The following INTS3 variants were observed in gnomAD, a reference collection of about 807,000 sequenced individuals.
The protein encoded by INTS3 is SOSS complex subunit A.
INTS3 carries 34 observed loss-of-function variants against 146.3 expected under a neutral mutation model. That is an observed-to-expected ratio of 0.23 (90% CI 0.18 to 0.31). INTS3 has a LOEUF of 0.31. Ranked by LOEUF, INTS3 falls within the 10% of genes least tolerant of loss-of-function variation. The probability of loss-of-function intolerance (pLI) is 1.00; values close to 1 mark genes in which losing one functional copy is unlikely to be tolerated. For synonymous variants in INTS3, 475 were observed against 494.9 expected, an observed-to-expected ratio of 0.96 and a Z score of 0.53; for missense variants, 757 against 1,304.2, an observed-to-expected ratio of 0.58 and a Z score of 6.46.
intron 20 of INTS3, among the ~76,000 whole-genome samples, 158 bp downstream of exon 20, chr1:153,765,221 C>T (rs1023880855): frequency 6.6e-6 from 1 of 152,194 alleles, no homozygotes; most frequent in African/African-American, 2.4e-5. Context: ...GCATCTCACT[C>T]TGTCACCTGA....
At chr1:153,764,563 C>T (rs1041218096) in intron 18 of INTS3, 127 bp from the exon 19 acceptor site, 39 of 794,030 alleles carry the variant, frequency 4.9e-5, no homozygotes, top group African/African-American at 4.4e-4. Context: ...ACCAAGCCTG[C>T]GGAGCAGCAG....
At chr1:153,747,399 G>A (rs150100455) in intron 5 of INTS3, 36 bp downstream of exon 5, 52 of 1,488,106 alleles carry the variant, frequency 3.5e-5, no homozygotes, top group Non-Finnish European at 4.5e-5. Flanking sequence ...GAAGAAAGGA[G>A]GAGAGCCCAG....
At chr1:153,750,914 GCCAGTTGATAGT>G (rs1671933625) in intron 6 of INTS3, 169 bp from the exon 7 acceptor site, 2 of 494,122 alleles carry the variant, frequency 4.0e-6, no homozygotes, top group Non-Finnish European at 7.0e-6. Context: ...CCGTAGCTTA[GCCAGTTGATAGT>G]CCAAGATAGA....
chr1:153,750,021 C>G (rs540422694), intron 6 of INTS3, among the ~76,000 whole-genome samples: 23 of 152,188 alleles, frequency 1.5e-4, no homozygotes, highest in Non-Finnish European at 3.1e-4. Context: ...TCACTCCCTT[C>G]CAAATGTTTC....
chr1:153,740,068 G>A (rs973149127), intron 1 of INTS3, among the ~76,000 whole-genome samples: 11 of 148,524 alleles, frequency 7.4e-5, no homozygotes, highest in Non-Finnish European at 1.3e-4. Context: ...CAAAGTGCTG[G>A]GATTACAGGT....
At chr1:153,734,389 C>T (rs1048282051) in intron 1 of INTS3, among the ~76,000 whole-genome samples, 2 of 152,122 alleles carry the variant, frequency 1.3e-5, no homozygotes, top group East Asian at 1.9e-4. Flanking sequence ...TTCTGTAGTC[C>T]AGGAAGAGTA....
At chr1:153,729,520 A>G (rs1167513572) in intron 1 of INTS3, among the ~76,000 whole-genome samples, 1 of 152,206 alleles carries the variant, frequency 6.6e-6, no homozygotes, top group African/African-American at 2.4e-5. Context: ...CTGCCATCTC[A>G]GAGTTGATCA....
intron 3 of INTS3, among the ~76,000 whole-genome samples, chr1:153,745,350 T>G (rs1041951532): frequency 3.3e-5 from 5 of 152,012 alleles, no homozygotes; most frequent in African/African-American, 1.2e-4. Context: ...AGAGATGGAG[T>G]TTCACCATGT....
chr1:153,762,735 TGAG>T lies in INTS3; in HGVS notation c.1528_1530del (p.Glu510del), dbSNP rs778092924. The T allele has an allele frequency of 1.9e-5, 31 of 1,614,142 alleles. No homozygotes were observed. The Admixed American group carries it at 2.8e-4, about 15-fold the overall frequency. On this transcript the variant is annotated inframe_deletion, in exon 15 of 30. Transcript: ENST00000318967. The stretch of plus-strand genomic sequence containing the variant: ...TCTTTTTTTACTCCCAAGTCAAAAT[TGAG>T]GAGCCAGTTTCCATGGAGATGGACA...
At position 153,772,571 on chromosome 1, in the gene INTS3, G is replaced by C. The variant is rs774990351; in HGVS notation, c.2822-68G>C. On this transcript the variant is annotated intron_variant, in intron 27 of 29. Coordinates refer to ENST00000318967, the MANE Select transcript of INTS3 (RefSeq NM_023015.5). This position sits in a 1 kb window ranked among gnomAD's most constrained non-coding sequence, Gnocchi z 4.6. Reference sequence around the variant, plus strand: ...ACACTCGGGATAAAACAACCTGTGCGTGCTGTTTAATAAGCTCCCAGACAT... The same window carrying C: ...ACACTCGGGATAAAACAACCTGTGCCTGCTGTTTAATAAGCTCCCAGACAT... 2.7e-5 allele frequency: 43 copies of C among 1,612,052 alleles called. No individual in the cohort carries two copies. Among genetic ancestry groups the C allele is most frequent in the Non-Finnish European group, 3.0e-5 (35 of 1,179,052 alleles).
In INTS3 at chr1:153,751,119, C is replaced by T. The variant is rs1199813174; in HGVS notation, c.609C>T (p.Ile203=). 1.2e-6 allele frequency: 2 copies of T among 1,614,186 alleles called. No individual in the cohort carries two copies. Among genetic ancestry groups the T allele is most frequent in the East Asian group, 2.2e-5 (1 of 44,878 alleles). Reference sequence around the variant, plus strand: ...GGGAGTGGGTCCTGAAGAGCAGCATCCTCATTGCCATGGCTGTTTACACGT... The same window carrying T: ...GGGAGTGGGTCCTGAAGAGCAGCATTCTCATTGCCATGGCTGTTTACACGT... ...EQREWVLKSS[I]LIAMAVYTYL... The change falls in exon 7 of 30, where the codon ATC becomes ATT. Residue 203 remains isoleucine (I), a synonymous_variant. Transcript: ENST00000318967.
intron 22 of INTS3, among the ~76,000 whole-genome samples, chr1:153,769,350 G>T (rs74360442): frequency 2.0e-5 from 3 of 152,032 alleles, no homozygotes; most frequent in Admixed American, 6.6e-5. Flanking sequence ...AGCTTTGCTC[G>T]GGTCCTTCTG....
At chr1:153,729,403 A>C (rs1017756726) in intron 1 of INTS3, among the ~76,000 whole-genome samples, 4 of 152,238 alleles carry the variant, frequency 2.6e-5, no homozygotes, top group African/African-American at 9.6e-5. Flanking sequence ...GAGAGAACAC[A>C]TCGCTTCTGA....
intron 3 of INTS3, among the ~76,000 whole-genome samples, chr1:153,743,111 C>T (rs117347490): frequency 6.6e-6 from 1 of 152,334 alleles, no homozygotes; most frequent in East Asian, 1.9e-4. Context: ...ACGTATCTCC[C>T]TAGAGCTTTG....
chr1:153,744,713 A>T (rs1056305729), intron 3 of INTS3, among the ~76,000 whole-genome samples: 9 of 152,226 alleles, frequency 5.9e-5, no homozygotes, highest in Non-Finnish European at 1.0e-4. Flanking sequence ...ACTGAGGGGT[A>T]CATTTCTTTT....
At chr1:153,771,737 A>C in intron 25 of INTS3, 59 bp from the exon 26 acceptor site, 1 of 1,525,088 alleles carries the variant, frequency 6.6e-7, no homozygotes, top group Non-Finnish European at 8.9e-7. Context: ...AGTGGGAGAG[A>C]CCCAGCATGC....
chr1:153,762,626 C>A (rs1672427137), intron 14 of INTS3, 102 bp from the exon 15 acceptor site: 2 of 1,411,212 alleles, frequency 1.4e-6, no homozygotes, highest in South Asian at 1.3e-5. Context: ...ATGATAAACT[C>A]CTTATTCTCT....
Position 153,752,297 on chromosome 1 carries a change from A to T in INTS3, c.748A>T (p.Ile250Phe). The T allele has an allele frequency of 6.2e-7, 1 of 1,613,380 alleles. No homozygotes were observed. The highest frequency in any genetic ancestry group is 8.5e-7 in the Non-Finnish European group (1 of 1,179,536). ...LRERFMECLM[I>F]GRDLVRLLQN... ...TATCAAGTTCATGGAATGTCTGATG[A>T]TTGGTCGGGATCTCGTAAGACTACT... is the stretch of plus-strand genomic sequence containing the variant. Residue 250 changes from isoleucine to phenylalanine, a missense_variant, in exon 8 of 30, where the codon ATT (isoleucine) becomes TTT (phenylalanine). Around this residue, in one of 8 missense-constraint regions of INTS3, gnomAD observed 134 missense variants for 243.1 expected, o/e 0.55. Transcript: ENST00000318967.
intron 6 of INTS3, among the ~76,000 whole-genome samples, chr1:153,749,509 A>G (rs1320498029): frequency 2.6e-5 from 4 of 152,188 alleles, no homozygotes; most frequent in Non-Finnish European, 4.4e-5. Context: ...CCTCCTCCCA[A>G]CGTTCACACT....
Sources: gnomAD v4.1 joint callset for allele counts (sites outside exome capture counted in the v4.1 genomes callset) on GRCh38, gnomAD v4.1.1 for gene constraint, gnomAD v4.1.1 regional missense constraint, Gnocchi (gnomAD v3.1) non-coding constraint, MANE v1.5 for transcripts, NCBI Gene and HGNC (gene_info 2026-07-23, HGNC 2026-07-21) for gene names.